DTHD1: variants seen among roughly 807,000 people sequenced by gnomAD.
DTHD1 encodes death domain-containing protein 1.
In DTHD1, 59 loss-of-function variants were observed where a neutral mutation model predicts 74.8. That is an observed-to-expected ratio of 0.79 (90% CI 0.64 to 0.98). DTHD1 has a LOEUF of 0.98. Ranked by LOEUF, DTHD1 falls within the 50% of genes least tolerant of loss-of-function variation. The probability of loss-of-function intolerance (pLI) is 0.00; values close to 1 mark genes in which losing one functional copy is unlikely to be tolerated. For missense variants in DTHD1, 1,051 were observed against 1,065.4 expected, an observed-to-expected ratio of 0.99 and a Z score of 0.19; for synonymous variants, 365 against 371.1, an observed-to-expected ratio of 0.98 and a Z score of 0.19.
intron 8 of DTHD1, among the ~76,000 whole-genome samples, chr4:36,327,416 A>G (rs1424226425): frequency 6.6e-6 from 1 of 152,216 alleles, no homozygotes; most frequent in Non-Finnish European, 1.5e-5. Context: ...AGAGGAGGTT[A>G]ATATTAATGC....
chr4:36,296,655 C>CT (rs1756418463), intron 5 of DTHD1, among the ~76,000 whole-genome samples: 1 of 151,850 alleles, frequency 6.6e-6, no homozygotes, highest in Non-Finnish European at 1.5e-5. Context: ...TTTTTAAATA[C>CT]TTTATATGAT....
intron 6 of DTHD1, 34 bp from the exon 7 acceptor site, chr4:36,308,170 T>G (rs1432650056): frequency 1.3e-6 from 2 of 1,537,468 alleles, no homozygotes; most frequent in African/African-American, 2.8e-5. Flanking sequence ...ACACTGCATT[T>G]TTCCCTGGGG....
chr4:36,334,060 G>A (rs929926807), intron 8 of DTHD1: 13 of 152,136 alleles, frequency 8.5e-5, no homozygotes, highest in African/African-American at 2.9e-4. Context: ...GTCCTGATGT[G>A]ACGTTAGAAA....
intron 8 of DTHD1, among the ~76,000 whole-genome samples, chr4:36,317,833 T>G (rs1440385761): frequency 6.6e-6 from 1 of 152,250 alleles, no homozygotes; most frequent in East Asian, 1.9e-4. Context: ...TTTTATAATC[T>G]GTAACCAGTA....
Position 36,284,066 on chromosome 4 carries a change from G to T in DTHD1, c.362G>T (p.Cys121Phe). The T allele has an allele frequency of 6.5e-7, 1 of 1,537,182 alleles. No homozygotes were observed. The change falls in exon 2 of 10, where the codon TGT becomes TTT. Residue 121 changes from cysteine to phenylalanine, a missense_variant. Transcript: ENST00000639862. ...CTAAAGAAAGAAGAAAAGGAGATTT[G>T]TAATTTATGCGGCATGCATGATGAA... ...ALLKKEEKEI[C>F]NLCGMHDECT... is the part of the protein sequence containing the mutation.
intron 8 of DTHD1, among the ~76,000 whole-genome samples, chr4:36,329,263 T>C (rs1758530234): frequency 6.6e-6 from 1 of 152,212 alleles, no homozygotes; most frequent in Admixed American, 6.5e-5. Context: ...GAATAGAACT[T>C]CTGTAGCCTT....
At chr4:36,289,379 G>A (rs1206162867) in intron 2 of DTHD1, among the ~76,000 whole-genome samples, 1 of 152,102 alleles carries the variant, frequency 6.6e-6, no homozygotes, top group Non-Finnish European at 1.5e-5. Context: ...AATTTGTAAT[G>A]AATAAAGTAA....
rs977339400 is a variant in DTHD1 at position 36,295,023 on chromosome 4, C to A, written c.1627C>A (p.Pro543Thr). The A allele has an allele frequency of 1.5e-5, 23 of 1,540,576 alleles. No homozygotes were observed. Among genetic ancestry groups the A allele is most frequent in the Admixed American group, 4.0e-5 (2 of 50,430 alleles). Residue 543 changes from proline (P) to threonine (T), a missense_variant, in exon 5 of 10, where the codon CCT (proline) becomes ACT (threonine). Transcript: ENST00000639862. ...RASATINRIT[P>T]SYFNRTKIAS... ...AAGTGCCACAATAAATAGGATTACACCTTCGTATTTCAACCGGTGAGTAAG... is the reference window on the plus strand; with the variant it reads ...AAGTGCCACAATAAATAGGATTACAACTTCGTATTTCAACCGGTGAGTAAG...
At chr4:36,327,106 A>G (rs973057575) in intron 8 of DTHD1, among the ~76,000 whole-genome samples, 7 of 151,954 alleles carry the variant, frequency 4.6e-5, no homozygotes, top group African/African-American at 1.5e-4. Flanking sequence ...AGCTAGGATT[A>G]CAGGTGCCTG....
chr4:36,343,944 G>C lies in DTHD1; in HGVS notation c.*120G>C. 3.1e-6 allele frequency: 3 copies of C among 973,358 alleles called. No homozygotes were observed. Among genetic ancestry groups the C allele is most frequent in the African/African-American group, 1.6e-5 (1 of 60,810 alleles). The allele number at this position is 973,358 out of a possible 1,614,324, so 60.3% of individuals were successfully genotyped here. ...TTGAAGTCAGTCTATTTAATGATGT[G>C]CTATTTAATGATGTGAGACAAAGGG... On this transcript the variant is annotated 3_prime_UTR_variant, in exon 10 of 10. Transcript: ENST00000639862.
chr4:36,315,979 A>T (rs1757688840), intron 7 of DTHD1, among the ~76,000 whole-genome samples: 1 of 152,338 alleles, frequency 6.6e-6, no homozygotes, highest in Non-Finnish European at 1.5e-5. Flanking sequence ...TCTAGCGCCC[A>T]GGCTGGAGTG....
chr4:36,329,471 T>G (rs1404869275), intron 8 of DTHD1, among the ~76,000 whole-genome samples: 1 of 152,172 alleles, frequency 6.6e-6, no homozygotes, highest in Non-Finnish European at 1.5e-5. Context: ...CAGCTCCAGT[T>G]TTTTCCAGCT....
At chr4:36,316,623 AG>A in intron 8 of DTHD1, 137 bp downstream of exon 8, 1 of 865,910 alleles carries the variant, frequency 1.2e-6, no homozygotes. Flanking sequence ...AGGAGTAGGT[AG>A]GTCCAATTTT....
At chr4:36,286,828 C>T (rs956189727) in intron 2 of DTHD1, among the ~76,000 whole-genome samples, 1 of 152,164 alleles carries the variant, frequency 6.6e-6, no homozygotes, top group Non-Finnish European at 1.5e-5. Context: ...TGTATTTAAA[C>T]ATATCTAAAC....
chr4:36,324,600 C>T (rs907795708), intron 8 of DTHD1, among the ~76,000 whole-genome samples: 13 of 151,954 alleles, frequency 8.6e-5, no homozygotes, highest in African/African-American at 1.7e-4. Context: ...TCAGTCAACA[C>T]GTTAATTTAG....
intron 6 of DTHD1, among the ~76,000 whole-genome samples, chr4:36,306,591 T>C (rs1429881476): frequency 6.6e-6 from 1 of 152,230 alleles, no homozygotes; most frequent in Non-Finnish European, 1.5e-5. Flanking sequence ...TTCTGCTAAC[T>C]CCAAAATAGT....
chr4:36,332,197 TAAAATAAAATAAAATAAAATAAAATAA>T (rs1758723495), intron 8 of DTHD1, among the ~76,000 whole-genome samples: 1 of 12,204 alleles, frequency 8.2e-5, no homozygotes, highest in Non-Finnish European at 1.5e-4. Context: ...AAAAATAAAA[TAAAATAAAATAAAATAAAATAAAATAA>T]AATAAAATAA....
chr4:36,334,509 A>G (rs562545454), intron 8 of DTHD1, among the ~76,000 whole-genome samples: 1 of 151,984 alleles, frequency 6.6e-6, no homozygotes, highest in South Asian at 2.1e-4. Flanking sequence ...ACAGGTGTGC[A>G]CCACCACACC....
chr4:36,303,294 C>G (rs1756876780), intron 5 of DTHD1, among the ~76,000 whole-genome samples: 1 of 152,134 alleles, frequency 6.6e-6, no homozygotes, highest in Non-Finnish European at 1.5e-5. Flanking sequence ...CACAAGTATA[C>G]TATCAGATTA....
Sources: gnomAD v4.1 joint callset for allele counts (sites outside exome capture counted in the v4.1 genomes callset) on GRCh38, gnomAD v4.1.1 for gene constraint, MANE v1.5 for transcripts, NCBI Gene and HGNC (gene_info 2026-07-23, HGNC 2026-07-21) for gene names.